MYO9A: variants seen among roughly 807,000 people sequenced by gnomAD.
MYO9A encodes the protein myosin IXA, also known as unconventional myosin-IXa.
MYO9A carries 103 observed loss-of-function variants against 293.3 expected under a neutral mutation model. The ratio of observed to expected loss-of-function variants is 0.35; its 90% confidence interval spans 0.30 to 0.41. The LOEUF is 0.41. Among genes scored for constraint, MYO9A ranks in the 10% least tolerant of loss-of-function variants. The pLI is 1.00. For synonymous variants in MYO9A, 1,001 were observed against 1,035.7 expected, an observed-to-expected ratio of 0.97 and a Z score of 0.64; for missense variants, 2,685 against 3,033.0, an observed-to-expected ratio of 0.89 and a Z score of 2.69.
chr15:72,056,984 A>G (rs1053626786), intron 1 of MYO9A, among the ~76,000 whole-genome samples: 1 of 152,098 alleles, frequency 6.6e-6, no homozygotes. Flanking sequence ...GTGGGTGCCT[A>G]TAATCCCAGC....
At chr15:71,928,027 A>T (rs760064771) in intron 18 of MYO9A, among the ~76,000 whole-genome samples, 13 of 10,754 alleles carry the variant, frequency 1.2e-3, no homozygotes, top group South Asian at 5.0e-3. Flanking sequence ...ATACCTTTCT[A>T]ATATATATAT....
At position 72,002,543 on chromosome 15, in the gene MYO9A, T is replaced by C. The variant is rs562219204; in HGVS notation, c.1381-2603A>G. ...CTTACACAACAACAAAAAAGAAGAATATAGAATATAGAAATCAGCATTGAA... is the reference window on the plus strand; with the variant it reads ...CTTACACAACAACAAAAAAGAAGAACATAGAATATAGAAATCAGCATTGAA... On this transcript the variant is annotated intron_variant, in intron 8 of 41. Coordinates refer to ENST00000356056, the MANE Select transcript of MYO9A (RefSeq NM_006901.4). Among the ~76,000 whole-genome samples the C allele has an allele frequency of 2.3e-4, 35 of 152,112 alleles. 1 individual carries two copies. In the South Asian group the frequency reaches 7.3e-3, roughly 32 times the overall value.
intron 14 of MYO9A, among the ~76,000 whole-genome samples, chr15:71,956,471 T>C (rs2059196082): frequency 2.7e-5 from 4 of 145,522 alleles, no homozygotes; most frequent in Admixed American, 2.7e-4. Context: ...AAACCTCGCC[T>C]CTACTAAAAA....
At chr15:71,989,961 C>T (rs970871205) in intron 11 of MYO9A, among the ~76,000 whole-genome samples, 6 of 151,812 alleles carry the variant, frequency 4.0e-5, no homozygotes, top group African/African-American at 1.2e-4. Flanking sequence ...CCCCAGAGGT[C>T]GACACAGTGA....
intron 1 of MYO9A, among the ~76,000 whole-genome samples, chr15:72,069,935 C>T (rs2079134877): frequency 6.7e-6 from 1 of 149,138 alleles, no homozygotes. Flanking sequence ...CTAGGCAACA[C>T]GGTGAAACCC....
At chr15:72,052,341 G>A (rs2078591543) in intron 1 of MYO9A, among the ~76,000 whole-genome samples, 1 of 152,168 alleles carries the variant, frequency 6.6e-6, no homozygotes, top group Non-Finnish European at 1.5e-5. Context: ...GCTACCCACT[G>A]CGAGTCTCCT....
intron 6 of MYO9A, among the ~76,000 whole-genome samples, chr15:72,015,317 T>C (rs1318626239): frequency 1.3e-5 from 2 of 152,180 alleles, no homozygotes; most frequent in South Asian, 2.1e-4. Flanking sequence ...ATCTTTATAC[T>C]GCAAAAATAC....
intron 25 of MYO9A, among the ~76,000 whole-genome samples, chr15:71,895,856 A>G (rs1194821641): frequency 6.6e-6 from 1 of 152,180 alleles, no homozygotes; most frequent in African/African-American, 2.4e-5. Context: ...GTTTTTTACA[A>G]AACAAATTCA....
Position 72,079,431 on chromosome 15 carries a change from A to T in MYO9A, c.-71-32797T>A, listed in dbSNP as rs996674631. On this transcript the variant is annotated intron_variant, in intron 1 of 41. Transcript: ENST00000356056. ...ATTGTAAATTAAAACTTAATTTTTT[A>T]AAATGTAATACTCAACAGTCTCTTA... 3.2e-4 allele frequency among the ~76,000 whole-genome samples: 48 copies of T among 152,184 alleles called. 2 individuals are homozygous for T. Among genetic ancestry groups the T allele is most frequent in the Admixed American group, 3.0e-3 (46 of 15,282 alleles).
At chr15:71,905,117 A>C in intron 19 of MYO9A, 111 bp from the exon 20 acceptor site, 1 of 849,580 alleles carries the variant, frequency 1.2e-6, no homozygotes, top group Admixed American at 2.9e-5. Context: ...AGAGGTACAC[A>C]TAGAAAGAGG....
At chr15:72,008,290 A>G (rs1249297876) in intron 7 of MYO9A, among the ~76,000 whole-genome samples, 1 of 152,136 alleles carries the variant, frequency 6.6e-6, no homozygotes, top group Non-Finnish European at 1.5e-5. Flanking sequence ...TTTTTCCTAC[A>G]CTGTTTCAGA....
At chr15:72,032,819 GT>G (rs1232935517) in intron 2 of MYO9A, among the ~76,000 whole-genome samples, 9 of 151,926 alleles carry the variant, frequency 5.9e-5, no homozygotes, top group Non-Finnish European at 1.0e-4. Context: ...GTGCTATTCA[GT>G]AAAATAAACC....
chr15:71,910,152 GTA>G (rs1181512579), intron 19 of MYO9A, among the ~76,000 whole-genome samples: 5 of 49,990 alleles, frequency 1.0e-4, no homozygotes, highest in East Asian at 6.5e-4. Context: ...ACGTGTGTGT[GTA>G]TATATATATA....
chr15:71,902,882 T>A (rs1044766334), intron 22 of MYO9A, 59 bp downstream of exon 22: 2 of 1,318,876 alleles, frequency 1.5e-6, no homozygotes, highest in African/African-American at 1.5e-5. Flanking sequence ...TAGGCAAAAA[T>A]TATTATTTTT....
At chr15:72,078,918 C>A (rs2079452644) in intron 1 of MYO9A, among the ~76,000 whole-genome samples, 1 of 152,124 alleles carries the variant, frequency 6.6e-6, no homozygotes, top group Admixed American at 6.6e-5. Flanking sequence ...CTGGAAAAGG[C>A]AAAACTATGG....
At chr15:71,976,080 G>A (rs990509635) in intron 12 of MYO9A, among the ~76,000 whole-genome samples, 16 of 152,174 alleles carry the variant, frequency 1.1e-4, no homozygotes, top group Admixed American at 4.6e-4. Flanking sequence ...GATTACAGGC[G>A]GGGGTCTGAA....
intron 11 of MYO9A, among the ~76,000 whole-genome samples, chr15:71,983,470 CT>C (rs1170508506): frequency 2.7e-3 from 199 of 72,900 alleles, no homozygotes; most frequent in Non-Finnish European, 3.3e-3. Context: ...TTTTTTATTT[CT>C]TTTTTTTTTT....
chr15:72,089,470 C>T (rs1021696244), intron 1 of MYO9A, among the ~76,000 whole-genome samples: 15 of 152,012 alleles, frequency 9.9e-5, no homozygotes, highest in Admixed American at 8.5e-4. Flanking sequence ...CAGGATGGGT[C>T]ATTTTTATTC....
chr15:72,023,923 A>T (rs1303120383), intron 4 of MYO9A, among the ~76,000 whole-genome samples: 5 of 152,204 alleles, frequency 3.3e-5, no homozygotes, highest in African/African-American at 9.6e-5. Context: ...GCAAAGACAA[A>T]GAATTTTGAA....
Sources: allele counts gnomAD v4.1 joint callset (sites outside exome capture counted in the v4.1 genomes callset), GRCh38; gene constraint gnomAD v4.1.1; transcripts MANE v1.5; gene names NCBI Gene and HGNC (gene_info 2026-07-23, HGNC 2026-07-21).